The following MPZL1 variants were observed in gnomAD, a reference collection of about 807,000 sequenced individuals.
MPZL1 encodes myelin protein zero like 1.
MPZL1 carries 16 observed loss-of-function variants against 29.3 expected under a neutral mutation model. The observed-to-expected ratio is 0.55, with a 90% CI of 0.37 to 0.83. The LOEUF (loss-of-function observed/expected upper bound fraction) is 0.83, where lower values mean the gene tolerates loss of function less well. MPZL1 is among the 40% of genes least tolerant of loss of function. The probability of loss-of-function intolerance (pLI) is 0.00; values close to 1 mark genes in which losing one functional copy is unlikely to be tolerated. For synonymous variants in MPZL1, 143 were observed against 132.0 expected (o/e 1.08, Z -0.57); for missense variants, 279 against 332.9 (o/e 0.84, Z 1.26).
intron 1 of MPZL1, among the ~76,000 whole-genome samples, chr1:167,742,314 A>T (rs1375696704): frequency 6.6e-6 from 1 of 152,136 alleles, no homozygotes; most frequent in African/African-American, 2.4e-5. Context: ...CTTTGATCTT[A>T]TCAAATTGTT....
chr1:167,738,087 G>A (rs899541254), intron 1 of MPZL1, among the ~76,000 whole-genome samples: 3 of 152,118 alleles, frequency 2.0e-5, no homozygotes, highest in South Asian at 4.2e-4. Flanking sequence ...CACTGTGCCC[G>A]GCTAATTTTT....
intron 1 of MPZL1, among the ~76,000 whole-genome samples, chr1:167,755,844 A>C (rs867649608): frequency 1.3e-5 from 2 of 152,188 alleles, no homozygotes; most frequent in African/African-American, 4.8e-5. Context: ...TTAGAGGCTG[A>C]GTCTCAGTGT....
chr1:167,764,475 T>A (rs1661066388), intron 1 of MPZL1, among the ~76,000 whole-genome samples: 1 of 152,222 alleles, frequency 6.6e-6, no homozygotes, highest in South Asian at 2.1e-4. Context: ...CACAGTGAAA[T>A]CTTATGGTAG....
chr1:167,758,989 A>G (rs748225342), intron 1 of MPZL1, among the ~76,000 whole-genome samples: 7 of 152,194 alleles, frequency 4.6e-5, no homozygotes, highest in Non-Finnish European at 8.8e-5. Flanking sequence ...AAATGTTTGT[A>G]TATCATTTAA....
At position 167,722,198 on chromosome 1, in the gene MPZL1, G is replaced by C; in HGVS notation, c.47G>C (p.Ser16Thr). 8.1e-7 allele frequency: 1 copy of C among 1,238,788 alleles called. No homozygotes were observed. Among genetic ancestry groups the C allele is most frequent in the Non-Finnish European group, 1.0e-6 (1 of 987,898 alleles). The allele number at this position is 1,238,788 out of a possible 1,614,324, so 76.7% of individuals were successfully genotyped here. A position where few individuals can be genotyped will look rare whatever the true frequency, so the allele number is the denominator to read the frequency against. Residue 16 changes from serine (S) to threonine (T), a missense_variant, in exon 1 of 6, where the codon AGC (serine) becomes ACC (threonine). Physicochemically the swap from Ser to Thr is moderately conservative, Grantham distance 58. Transcript: ENST00000359523. ...GGGGCGGTGATTGCAGCCCCAGACA[G>C]CCGGCGCTGGCTGTGGTCGGTGCTG... is the stretch of plus-strand genomic sequence containing the variant. ...GAGAVIAAPDSRRWLWSVLAA... is the reference protein window; with the variant it reads ...GAGAVIAAPDTRRWLWSVLAA...
At chr1:167,775,935 G>T in intron 4 of MPZL1, 129 bp from the exon 5 acceptor site, 2 of 528,042 alleles carry the variant, frequency 3.8e-6, no homozygotes, top group Non-Finnish European at 6.3e-6. Context: ...GACACCCATT[G>T]TTATGTTGTC....
At chr1:167,764,617 TATGG>T (rs1661073241) in intron 1 of MPZL1, among the ~76,000 whole-genome samples, 1 of 152,198 alleles carries the variant, frequency 6.6e-6, no homozygotes, top group Non-Finnish European at 1.5e-5. Context: ...TTGCATTACA[TATGG>T]ATGATGAGAA....
intron 1 of MPZL1, among the ~76,000 whole-genome samples, chr1:167,739,274 C>CATATACATATATATATATATATAT (rs1660452463): frequency 2.4e-5 from 2 of 83,308 alleles, no homozygotes; most frequent in African/African-American, 1.3e-4. Context: ...TACATATATA[C>CATATACATATATATATATATATAT]ATATATACAT....
At chr1:167,723,614 T>C (rs1464792868) in intron 1 of MPZL1, among the ~76,000 whole-genome samples, 3 of 152,206 alleles carry the variant, frequency 2.0e-5, no homozygotes, top group Admixed American at 2.0e-4. Context: ...AGGTCAGACA[T>C]TGCTATGGAG....
intron 1 of MPZL1, among the ~76,000 whole-genome samples, chr1:167,756,774 G>A (rs16859548): frequency 0.049 from 7,482 of 151,888 alleles, 620 homozygotes; most frequent in African/African-American, 0.17. Context: ...ATTGTGAAAG[G>A]GCCAGGCATT....
At chr1:167,772,725 A>G (rs1293785442) in intron 3 of MPZL1, among the ~76,000 whole-genome samples, 3 of 152,132 alleles carry the variant, frequency 2.0e-5, no homozygotes, top group Non-Finnish European at 4.4e-5. Flanking sequence ...TCTGGTGCCT[A>G]TTGGTCTAAT....
At chr1:167,739,282 C>CATATATACATATATACAT (rs1387652331) in intron 1 of MPZL1, among the ~76,000 whole-genome samples, 1 of 90,442 alleles carries the variant, frequency 1.1e-5, no homozygotes, top group South Asian at 3.3e-4. Context: ...TACATATATA[C>CATATATACATATATACAT]ATATATATAT....
intron 5 of MPZL1, among the ~76,000 whole-genome samples, chr1:167,785,571 G>A (rs760725078): frequency 3.1e-4 from 47 of 152,208 alleles, no homozygotes; most frequent in Non-Finnish European, 5.7e-4. Context: ...GTAAGATGCA[G>A]AGAAGGAAAG....
intron 5 of MPZL1, among the ~76,000 whole-genome samples, chr1:167,786,014 C>T (rs967840808): frequency 6.6e-5 from 10 of 152,114 alleles, no homozygotes; most frequent in East Asian, 1.9e-4. Flanking sequence ...AGGATGGTCT[C>T]GATCTCCTGA....
intron 1 of MPZL1, among the ~76,000 whole-genome samples, chr1:167,752,002 G>T (rs1309119320): frequency 6.6e-6 from 1 of 152,060 alleles, no homozygotes; most frequent in Non-Finnish European, 1.5e-5. Flanking sequence ...ACTATATCAA[G>T]CCTGCTTAAG....
chr1:167,766,452 T>C (rs1296039497), intron 2 of MPZL1, among the ~76,000 whole-genome samples: 2 of 152,230 alleles, frequency 1.3e-5, no homozygotes, highest in African/African-American at 4.8e-5. Context: ...TAAAGTAAGA[T>C]TATTCAAGAT....
At position 167,771,686 on chromosome 1, in the gene MPZL1, C is replaced by T. The variant is rs371579687; in HGVS notation, c.259-589C>T. Among the ~76,000 whole-genome samples, 61 of 151,986 alleles carry T rather than the reference C, an allele frequency of 4.0e-4. 1 individual carries two copies. In the East Asian group the frequency reaches 8.1e-3, roughly 20 times the overall value. On this transcript the variant is annotated intron_variant, in intron 2 of 5. Transcript: ENST00000359523. Reference sequence around the variant, plus strand: ...GGCTCCTCACATCCCAGAGGATGGGCGGCCAGGCAGAGACGCTCCTCACTT... The same window carrying T: ...GGCTCCTCACATCCCAGAGGATGGGTGGCCAGGCAGAGACGCTCCTCACTT...
At chr1:167,741,514 T>A (rs895031497) in intron 1 of MPZL1, among the ~76,000 whole-genome samples, 3 of 150,764 alleles carry the variant, frequency 2.0e-5, no homozygotes, top group African/African-American at 4.9e-5. Context: ...TTAGTAGAGC[T>A]GGATTTCACC....
chr1:167,733,347 A>C (rs1242351658), intron 1 of MPZL1, among the ~76,000 whole-genome samples: 1 of 152,208 alleles, frequency 6.6e-6, no homozygotes, highest in Non-Finnish European at 1.5e-5. Context: ...TAGTGACAGC[A>C]GTTCCCACTG....
Sources: gnomAD v4.1 joint callset for allele counts (sites outside exome capture counted in the v4.1 genomes callset) on GRCh38, gnomAD v4.1.1 for gene constraint, MANE v1.5 for transcripts, NCBI Gene and HGNC (gene_info 2026-07-23, HGNC 2026-07-21) for gene names.